SGCZ: variants seen among roughly 807,000 people sequenced by gnomAD.
The protein encoded by SGCZ is sarcoglycan zeta.
Under a neutral mutation model 41.3 loss-of-function variants are expected in SGCZ, and 40 were observed. The observed-to-expected ratio is 0.97, with a 90% confidence interval of 0.75 to 1.26. The LOEUF is 1.26. Among genes scored for constraint, SGCZ ranks in the 50% most tolerant of loss-of-function variants. The pLI, the probability that SGCZ is intolerant of heterozygous loss-of-function variation, is 0.00. For missense variants in SGCZ, 552 were observed against 369.8 expected (o/e 1.49, Z -4.04); for synonymous variants, 206 against 137.5 (o/e 1.50, Z -3.49).
chr8:14,669,565 C>G (rs1231954047), intron 1 of SGCZ, among the ~76,000 whole-genome samples: 1 of 152,004 alleles, frequency 6.6e-6, no homozygotes, highest in African/African-American at 2.4e-5. Context: ...TAAGTAAGAT[C>G]ATGCAGTATT....
intron 1 of SGCZ, among the ~76,000 whole-genome samples, chr8:14,781,898 G>T (rs754458538): frequency 6.6e-6 from 1 of 152,118 alleles, no homozygotes; most frequent in Non-Finnish European, 1.5e-5. Flanking sequence ...TCTACTGAAA[G>T]TGAAAAACAG....
At chr8:14,384,550 G>T (rs1053438066) in intron 2 of SGCZ, among the ~76,000 whole-genome samples, 3 of 151,962 alleles carry the variant, frequency 2.0e-5, no homozygotes, top group Non-Finnish European at 2.9e-5. Flanking sequence ...CTTGTATTAT[G>T]ATTACTTTAT....
chr8:14,562,215 T>A (rs1019590364), intron 1 of SGCZ, among the ~76,000 whole-genome samples: 3 of 152,144 alleles, frequency 2.0e-5, no homozygotes, highest in Admixed American at 6.5e-5. Flanking sequence ...GCTGGAATCA[T>A]TACTTCAGTA....
rs1382127389 is a variant in SGCZ, at chr8:15,026,114, G to A, written c.39+211471C>T. Among the ~76,000 whole-genome samples the A allele has an allele frequency of 1.3e-4, 19 of 149,824 alleles. 1 individual carries two copies. Among genetic ancestry groups the A allele is most frequent in the Non-Finnish European group, 1.9e-4 (13 of 67,604 alleles). ...TTTGACTTCCATAGTATTCCAATAA[G>A]GTTTGTTTAAAAAAAAAAAAGGACT... On this transcript the variant is annotated intron_variant, in intron 1 of 7. Transcript: ENST00000382080.
chr8:14,728,876 G>C (rs77386634), intron 1 of SGCZ, among the ~76,000 whole-genome samples: 3,076 of 152,288 alleles, frequency 0.02, 75 homozygotes, highest in African/African-American at 0.053. Context: ...TTCAACTTGA[G>C]TGATGATCAG....
rs774824936 is a variant in SGCZ at position 14,303,508 on chromosome 8, T to C, written c.336+20595A>G. Among the ~76,000 whole-genome samples, 47 of 152,246 alleles carry C rather than the reference T, an allele frequency of 3.1e-4. No homozygotes were observed. In the Middle Eastern group the frequency reaches 0.017, roughly 55 times the overall value. ...TAGAAGTCCTAGGATAAACTCAAAC[T>C]ACTTGCAGAAAAAGACAAACATTGC... On this transcript the variant is annotated intron_variant, in intron 3 of 7. Coordinates refer to ENST00000382080, the MANE Select transcript of SGCZ (RefSeq NM_139167.4).
chr8:14,297,556 G>C (rs1801056980), intron 3 of SGCZ, among the ~76,000 whole-genome samples: 2 of 151,510 alleles, frequency 1.3e-5, no homozygotes, highest in Non-Finnish European at 2.9e-5. Context: ...CCGCTTTCTA[G>C]AATAAAAGCA....
chr8:14,159,811 C>G (rs1165480623), intron 5 of SGCZ, among the ~76,000 whole-genome samples: 1 of 152,098 alleles, frequency 6.6e-6, no homozygotes, highest in Non-Finnish European at 1.5e-5. Context: ...CTGACCCCAT[C>G]GCAGTGTGCC....
chr8:14,333,430 T>C (rs552995571), intron 2 of SGCZ, among the ~76,000 whole-genome samples: 2 of 152,286 alleles, frequency 1.3e-5, no homozygotes, highest in Non-Finnish European at 2.9e-5. Flanking sequence ...TGTTAATCTT[T>C]TAACAAGGCA....
intron 1 of SGCZ, among the ~76,000 whole-genome samples, chr8:14,668,098 A>G (rs1186836977): frequency 6.6e-6 from 1 of 152,020 alleles, no homozygotes; most frequent in African/African-American, 2.4e-5. Flanking sequence ...CTGGGATTAC[A>G]GGCACCCCCG....
Position 14,102,503 on chromosome 8 carries a change from A to G in SGCZ, c.621-4T>C, listed in dbSNP as rs201479183. On this transcript the variant is annotated splice_polypyrimidine_tract_variant and splice_region_variant and intron_variant, in intron 6 of 7. Coordinates refer to ENST00000382080, the MANE Select transcript of SGCZ (RefSeq NM_139167.4). ...GGATCTGGTGGGTGATTCAAGCCTAAGGGAAAAACAAAAAATCATTAATAG... is the reference window on the plus strand; with the variant it reads ...GGATCTGGTGGGTGATTCAAGCCTAGGGGAAAAACAAAAAATCATTAATAG... The G allele has an allele frequency of 3.4e-5, 48 of 1,392,514 alleles. No individual in the cohort carries two copies. In the African/African-American group the frequency reaches 6.8e-4, roughly 20 times the overall value. 86.3% of individuals were successfully genotyped at this position (1,392,514 alleles called of 1,614,324 possible).
intron 2 of SGCZ, among the ~76,000 whole-genome samples, chr8:14,330,021 T>C (rs1232703197): frequency 6.6e-6 from 1 of 152,164 alleles, no homozygotes; most frequent in Non-Finnish European, 1.5e-5. Flanking sequence ...TTTAATGCTC[T>C]TACCGTATTC....
In SGCZ at chr8:14,784,842, T is replaced by C. The variant is rs555416352; in HGVS notation, c.40-229916A>G. The stretch of plus-strand genomic sequence containing the variant: ...ACTTGAACCTGGGAGGCAGAGGTTG[T>C]GGTGAGCCGAGATCATGCCATTGCA... On this transcript the variant is annotated intron_variant, in intron 1 of 7. Coordinates refer to ENST00000382080, the MANE Select transcript of SGCZ (RefSeq NM_139167.4). Among the ~76,000 whole-genome samples, 59 of 139,982 alleles carry C rather than the reference T, an allele frequency of 4.2e-4. No individual in the cohort carries two copies. In the South Asian group the frequency reaches 5.9e-3, roughly 14 times the overall value. The allele number at this position is 139,982 out of a possible 152,430, so 91.8% of individuals were successfully genotyped here.
chr8:14,923,639 T>C (rs977439586), intron 1 of SGCZ, among the ~76,000 whole-genome samples: 4 of 152,210 alleles, frequency 2.6e-5, no homozygotes, highest in African/African-American at 4.8e-5. Flanking sequence ...CAAAGAACAA[T>C]TTAAAGTACA....
intron 2 of SGCZ, among the ~76,000 whole-genome samples, chr8:14,492,623 T>A (rs1241893069): frequency 6.6e-6 from 1 of 152,200 alleles, no homozygotes; most frequent in African/African-American, 2.4e-5. Flanking sequence ...AATTTCTCAC[T>A]AACTTTTCTT....
chr8:14,407,435 A>G (rs942905490), intron 2 of SGCZ, among the ~76,000 whole-genome samples: 1 of 152,142 alleles, frequency 6.6e-6, no homozygotes, highest in African/African-American at 2.4e-5. Flanking sequence ...TCATCCACCT[A>G]TGTGTTGGGT....
intron 1 of SGCZ, among the ~76,000 whole-genome samples, chr8:14,947,385 G>C (rs1800486927): frequency 6.6e-6 from 1 of 152,104 alleles, no homozygotes; most frequent in Non-Finnish European, 1.5e-5. Context: ...ACATTGATTG[G>C]ATCTTTTTTA....
At chr8:14,598,817 G>A (rs1805497057) in intron 1 of SGCZ, among the ~76,000 whole-genome samples, 1 of 152,004 alleles carries the variant, frequency 6.6e-6, no homozygotes, top group Admixed American at 6.6e-5. Flanking sequence ...GTATGAGGCA[G>A]TGTACCAGCC....
chr8:14,161,030 G>A (rs142569159), intron 5 of SGCZ, among the ~76,000 whole-genome samples: 9 of 152,134 alleles, frequency 5.9e-5, no homozygotes, highest in Non-Finnish European at 1.0e-4. Flanking sequence ...TGAAATTCTA[G>A]AATAAACTTC....
Sources: allele counts gnomAD v4.1 joint callset (sites outside exome capture counted in the v4.1 genomes callset), GRCh38; gene constraint gnomAD v4.1.1; transcripts MANE v1.5; gene names NCBI Gene and HGNC (gene_info 2026-07-23, HGNC 2026-07-21).